SELENOF: variants seen among roughly 807,000 people sequenced by gnomAD.
The protein encoded by SELENOF is selenoprotein F, also known as 15 kDa selenoprotein.
SELENOF carries 16 observed loss-of-function variants against 20.5 expected under a neutral mutation model. The observed-to-expected ratio is 0.78, with a 90% CI of 0.53 to 1.19. The LOEUF is 1.19. Ranked by LOEUF, SELENOF falls within the 50% of genes most tolerant of loss-of-function variation. The probability of loss-of-function intolerance (pLI) is 0.00; values close to 1 mark genes in which losing one functional copy is unlikely to be tolerated. For synonymous variants in SELENOF, 78 were observed against 74.5 expected, an observed-to-expected ratio of 1.05 and a Z score of -0.24; for missense variants, 215 against 194.2, an observed-to-expected ratio of 1.11 and a Z score of -0.64.
intron 2 of SELENOF, among the ~76,000 whole-genome samples, chr1:86,898,451 T>G (rs1038839541): frequency 5.3e-5 from 8 of 152,154 alleles, no homozygotes; most frequent in African/African-American, 1.9e-4. Context: ...TAAAAATGAG[T>G]CTCATCCTTA....
At chr1:86,914,474 A>G (rs1570415693), upstream of SELENOF, 1 of 321,550 alleles carries the variant, frequency 3.1e-6, no homozygotes, top group Admixed American at 4.2e-5. Flanking sequence ...GGCAGAGGAA[A>G]CCAACCGTAA....
chr1:86,892,502 T>G (rs112845331), intron 2 of SELENOF, among the ~76,000 whole-genome samples: 14 of 152,330 alleles, frequency 9.2e-5, no homozygotes, highest in African/African-American at 3.4e-4. Flanking sequence ...TTCACGCAGT[T>G]AGCTTAACCT....
intron 2 of SELENOF, among the ~76,000 whole-genome samples, chr1:86,888,595 T>C (rs1659289938): frequency 6.6e-6 from 1 of 152,228 alleles, no homozygotes; most frequent in Admixed American, 6.5e-5. Flanking sequence ...TTTCTTTGCA[T>C]CACTGCTGAT....
At chr1:86,887,000 T>C (rs370430501) in intron 2 of SELENOF, among the ~76,000 whole-genome samples, 1 of 152,152 alleles carries the variant, frequency 6.6e-6, no homozygotes, top group Non-Finnish European at 1.5e-5. Context: ...GAAAAATACA[T>C]CACACAGAAA....
intron 2 of SELENOF, among the ~76,000 whole-genome samples, chr1:86,885,207 A>C (rs978344354): frequency 6.6e-6 from 1 of 152,190 alleles, no homozygotes; most frequent in Admixed American, 6.5e-5. Context: ...CTGAAATCCA[A>C]AACACTTCTA....
chr1:86,901,272 G>C lies in SELENOF; in HGVS notation c.252+2009C>G, dbSNP rs143321940. Among the ~76,000 whole-genome samples, 90 of 152,218 alleles carry C rather than the reference G, an allele frequency of 5.9e-4. 1 individual carries two copies. In the Middle Eastern group the frequency reaches 0.01, roughly 17 times the overall value. On this transcript the variant is annotated intron_variant, in intron 2 of 4. Transcript: ENST00000331835. The stretch of plus-strand genomic sequence containing the variant: ...CATGATCATGTACCAAAAATCCAGA[G>C]AACAATATTGCATAGATTAAATCTA...
At chr1:86,906,630 A>T (rs1280350463) in intron 1 of SELENOF, among the ~76,000 whole-genome samples, 1 of 152,196 alleles carries the variant, frequency 6.6e-6, no homozygotes. Context: ...TCTATACAAG[A>T]GAGACAACAT....
Position 86,912,285 on chromosome 1 carries a change from T to C in SELENOF, c.84+1743A>G, listed in dbSNP as rs185112298. 6.6e-5 allele frequency among the ~76,000 whole-genome samples: 10 copies of C among 152,330 alleles called. No homozygotes were observed. The East Asian group carries it at 7.7e-4, about 12-fold the overall frequency. On this transcript the variant is annotated intron_variant, in intron 1 of 4. Transcript: ENST00000331835. ...AGTTTCAGTAATTCCCTGGATATGATATATGTAAGGAAAGGAGTCAAACAT... is the reference window on the plus strand; with the variant it reads ...AGTTTCAGTAATTCCCTGGATATGACATATGTAAGGAAAGGAGTCAAACAT...
intron 2 of SELENOF, among the ~76,000 whole-genome samples, chr1:86,888,006 A>C (rs1659270880): frequency 6.6e-6 from 1 of 152,220 alleles, no homozygotes; most frequent in African/African-American, 2.4e-5. Flanking sequence ...CACACTTGTA[A>C]TCCCAGCACT....
chr1:86,912,188 G>A (rs1660002054), intron 1 of SELENOF, among the ~76,000 whole-genome samples: 1 of 152,190 alleles, frequency 6.6e-6, no homozygotes, highest in South Asian at 2.1e-4. Flanking sequence ...TTTCTGAGGA[G>A]AGAGATGTTT....
chr1:86,876,616 A>T (rs986903536), intron 3 of SELENOF, among the ~76,000 whole-genome samples: 6 of 152,230 alleles, frequency 3.9e-5, no homozygotes, highest in African/African-American at 1.4e-4. Flanking sequence ...TTATGTAAAG[A>T]TATAGATTGG....
At chr1:86,884,807 G>C (rs1300032924) in intron 2 of SELENOF, among the ~76,000 whole-genome samples, 3 of 152,202 alleles carry the variant, frequency 2.0e-5, no homozygotes, top group Non-Finnish European at 2.9e-5. Context: ...AGTCTTACTT[G>C]TACAGACAAT....
At chr1:86,894,471 A>G (rs575081268) in intron 2 of SELENOF, among the ~76,000 whole-genome samples, 1 of 152,242 alleles carries the variant, frequency 6.6e-6, no homozygotes, top group South Asian at 2.1e-4. Context: ...AATAAATAAT[A>G]TATTTTATTC....
chr1:86,907,813 G>GT (rs1250742453), intron 1 of SELENOF, among the ~76,000 whole-genome samples: 1 of 151,932 alleles, frequency 6.6e-6, no homozygotes, highest in Non-Finnish European at 1.5e-5. Context: ...GTGAAACCCC[G>GT]TCTCTACTAA....
At chr1:86,893,355 A>C (rs1027567711) in intron 2 of SELENOF, among the ~76,000 whole-genome samples, 1 of 151,974 alleles carries the variant, frequency 6.6e-6, no homozygotes, top group Non-Finnish European at 1.5e-5. Flanking sequence ...CTGTAATCCC[A>C]GCACTTTGGG....
At chr1:86,871,428 G>T (rs1024691438) in intron 3 of SELENOF, among the ~76,000 whole-genome samples, 22 of 152,026 alleles carry the variant, frequency 1.4e-4, no homozygotes, top group Non-Finnish European at 2.4e-4. Context: ...TAATACTAAA[G>T]GATTCAAAAG....
At chr1:86,905,388 T>C (rs1378009239) in intron 1 of SELENOF, among the ~76,000 whole-genome samples, 3 of 152,208 alleles carry the variant, frequency 2.0e-5, no homozygotes, top group Non-Finnish European at 4.4e-5. Context: ...TTTAAGGTTC[T>C]GTTTCCACTT....
At position 86,863,411 on chromosome 1, in the gene SELENOF, C is replaced by G; in HGVS notation, c.*63G>C. ...GAAGCAAGCAAAACTAAATTATTTTCTAGGTGCTGTAATATTTCATTTGAT... is the reference window on the plus strand; with the variant it reads ...GAAGCAAGCAAAACTAAATTATTTTGTAGGTGCTGTAATATTTCATTTGAT... On this transcript the variant is annotated 3_prime_UTR_variant, in exon 5 of 5. Transcript: ENST00000331835. The G allele has an allele frequency of 7.2e-7, 1 of 1,385,978 alleles. No homozygotes were observed. The highest frequency in any genetic ancestry group is 2.4e-5 in the East Asian group (1 of 41,938). The allele number at this position is 1,385,978 out of a possible 1,614,324, so 85.9% of individuals were successfully genotyped here. A position where few individuals can be genotyped will look rare whatever the true frequency, so the allele number is the denominator to read the frequency against.
chr1:86,903,496 C>A, intron 1 of SELENOF, 48 bp from the exon 2 acceptor site: 2 of 1,404,744 alleles, frequency 1.4e-6, no homozygotes, highest in Admixed American at 2.8e-5. Context: ...ATTTATACTA[C>A]AAAGCTTTCC....
Sources: allele counts gnomAD v4.1 joint callset (sites outside exome capture counted in the v4.1 genomes callset), GRCh38; gene constraint gnomAD v4.1.1; transcripts MANE v1.5; gene names NCBI Gene and HGNC (gene_info 2026-07-23, HGNC 2026-07-21).